The following CCDC91 variants were observed in gnomAD, a reference collection of about 807,000 sequenced individuals.
The protein encoded by CCDC91 is coiled-coil domain-containing protein 91.
A neutral mutation model predicts 63.2 loss-of-function variants in CCDC91; 48 were observed. The ratio of observed to expected loss-of-function variants is 0.76; its 90% confidence interval spans 0.60 to 0.97. The LOEUF is 0.97. Ranked by LOEUF, CCDC91 falls within the 50% of genes least tolerant of loss-of-function variation. The pLI, the probability that CCDC91 is intolerant of heterozygous loss-of-function variation, is 0.00. For synonymous variants in CCDC91, 167 were observed against 165.8 expected (o/e 1.01, Z -0.06); for missense variants, 500 against 494.6 (o/e 1.01, Z -0.10).
At chr12:28,391,711 G>T (rs78690102) in intron 8 of CCDC91, among the ~76,000 whole-genome samples, 4,485 of 152,236 alleles carry the variant, frequency 0.029, 100 homozygotes, top group Middle Eastern at 0.044. Context: ...GCGAGTAAAT[G>T]ATTTTTAGTG....
intron 6 of CCDC91, among the ~76,000 whole-genome samples, chr12:28,320,176 A>T (rs990006323): frequency 6.6e-6 from 1 of 151,940 alleles, no homozygotes; most frequent in African/African-American, 2.4e-5. Flanking sequence ...CTTTTTAGGA[A>T]CATATAATTT....
chr12:28,326,309 T>TA (rs1472857155), intron 6 of CCDC91, among the ~76,000 whole-genome samples: 2 of 152,102 alleles, frequency 1.3e-5, no homozygotes, highest in African/African-American at 4.8e-5. Context: ...GGATATTTTT[T>TA]ATTATACATC....
intron 8 of CCDC91, among the ~76,000 whole-genome samples, chr12:28,445,322 CA>C (rs913513538): frequency 1.3e-5 from 2 of 152,140 alleles, no homozygotes; most frequent in Middle Eastern, 3.4e-3. Context: ...CCCTCCCCCA[CA>C]AAAAACCCCA....
intron 7 of CCDC91, among the ~76,000 whole-genome samples, chr12:28,386,901 T>G (rs958142971): frequency 1.3e-5 from 2 of 152,194 alleles, no homozygotes; most frequent in African/African-American, 2.4e-5. Context: ...GTGTTTAGAA[T>G]AGTTGAAAAT....
intron 3 of CCDC91, among the ~76,000 whole-genome samples, chr12:28,267,222 A>G (rs1266323972): frequency 6.6e-6 from 1 of 151,874 alleles, no homozygotes. Flanking sequence ...CCAGGCATGT[A>G]CAATTGTGTC....
intron 11 of CCDC91, among the ~76,000 whole-genome samples, chr12:28,463,873 C>CTTCTACA (rs777427720): frequency 1.1e-4 from 17 of 152,130 alleles, no homozygotes; most frequent in Non-Finnish European, 1.8e-4. Flanking sequence ...ACCAGTTTAA[C>CTTCTACA]TTCTACACAG....
chr12:28,449,141 A>G (rs1442002568), intron 8 of CCDC91, among the ~76,000 whole-genome samples: 2 of 152,074 alleles, frequency 1.3e-5, no homozygotes, highest in Non-Finnish European at 2.9e-5. Context: ...GAAAAGTAAC[A>G]TAATTAAAAG....
At chr12:28,194,443 G>C (rs940348890) in intron 1 of CCDC91, among the ~76,000 whole-genome samples, 1 of 151,976 alleles carries the variant, frequency 6.6e-6, no homozygotes. Flanking sequence ...TCCGGAGTTT[G>C]TTCCTCCAGA....
chr12:28,413,157 C>A (rs1464955176), intron 8 of CCDC91, among the ~76,000 whole-genome samples: 1 of 151,964 alleles, frequency 6.6e-6, no homozygotes, highest in Non-Finnish European at 1.5e-5. Context: ...GAACTCAGAA[C>A]CACCTCTTGA....
At chr12:28,538,950 G>T (rs1592998973) in intron 12 of CCDC91, among the ~76,000 whole-genome samples, 1 of 152,076 alleles carries the variant, frequency 6.6e-6, no homozygotes, top group African/African-American at 2.4e-5. Context: ...TTTTTGATGG[G>T]GTTGTTTGTT....
intron 12 of CCDC91, among the ~76,000 whole-genome samples, chr12:28,521,709 T>C (rs1940690198): frequency 6.6e-6 from 1 of 152,168 alleles, no homozygotes; most frequent in South Asian, 2.1e-4. Flanking sequence ...GGCTGTGGGT[T>C]TGTCATAAAT....
chr12:28,265,952 T>G (rs1023600812), intron 3 of CCDC91, among the ~76,000 whole-genome samples: 1 of 152,074 alleles, frequency 6.6e-6, no homozygotes, highest in African/African-American at 2.4e-5. Context: ...CTAATAATTT[T>G]GTAGTGCCTT....
At chr12:28,238,098 T>A (rs1945084528) in intron 1 of CCDC91, among the ~76,000 whole-genome samples, 1 of 152,168 alleles carries the variant, frequency 6.6e-6, no homozygotes, top group African/African-American at 2.4e-5. Flanking sequence ...TAAAGAAAGA[T>A]ATATTTGTAT....
At chr12:28,344,810 A>G (rs1425042782) in intron 6 of CCDC91, among the ~76,000 whole-genome samples, 2 of 152,078 alleles carry the variant, frequency 1.3e-5, no homozygotes, top group Non-Finnish European at 2.9e-5. Flanking sequence ...CCCTCAGTAA[A>G]TATTTTCTAA....
At chr12:28,505,726 A>T (rs1034371360) in intron 12 of CCDC91, among the ~76,000 whole-genome samples, 7 of 151,958 alleles carry the variant, frequency 4.6e-5, no homozygotes, top group Non-Finnish European at 8.8e-5. Flanking sequence ...AAAAATAATG[A>T]AAGCTTCTGT....
chr12:28,360,462 C>T (rs1306693979), intron 6 of CCDC91, among the ~76,000 whole-genome samples: 4 of 152,082 alleles, frequency 2.6e-5, no homozygotes, highest in South Asian at 2.1e-4. Context: ...AGTTGCAGCA[C>T]GTGTCTTCTG....
At chr12:28,397,542 T>C (rs1467417285) in intron 8 of CCDC91, among the ~76,000 whole-genome samples, 5 of 151,728 alleles carry the variant, frequency 3.3e-5, no homozygotes, top group African/African-American at 1.2e-4. Flanking sequence ...AAGGAAGCAA[T>C]GAGTGGAGAC....
chr12:28,440,392 C>T (rs907008908), intron 8 of CCDC91, among the ~76,000 whole-genome samples: 19 of 152,226 alleles, frequency 1.2e-4, no homozygotes, highest in African/African-American at 4.3e-4. Flanking sequence ...GTATACAAAC[C>T]AATTAGTATA....
chr12:28,200,727 C>T (rs1043073484), intron 1 of CCDC91, among the ~76,000 whole-genome samples: 18 of 151,830 alleles, frequency 1.2e-4, no homozygotes, highest in Admixed American at 5.9e-4. Flanking sequence ...CCCCACCTTT[C>T]CCCCCTTTCT....
Sources: gnomAD v4.1 joint callset for allele counts (sites outside exome capture counted in the v4.1 genomes callset) on GRCh38, gnomAD v4.1.1 for gene constraint, MANE v1.5 for transcripts, NCBI Gene and HGNC (gene_info 2026-07-23, HGNC 2026-07-21) for gene names.